KIFC3: variants seen among roughly 807,000 people sequenced by gnomAD.
The protein encoded by KIFC3 is kinesin family member C3, also known as kinesin-like protein KIFC3.
In KIFC3, 60 loss-of-function variants were observed where a neutral mutation model predicts 101.8. The observed-to-expected ratio is 0.59, with a 90% CI of 0.48 to 0.73. KIFC3 has a LOEUF of 0.73. Ranked by LOEUF, KIFC3 falls within the 30% of genes least tolerant of loss-of-function variation. The pLI is 0.00. For missense variants in KIFC3, 966 were observed against 1,137.1 expected, an observed-to-expected ratio of 0.85 and a Z score of 2.16; for synonymous variants, 476 against 482.7, an observed-to-expected ratio of 0.99 and a Z score of 0.18.
intron 3 of KIFC3, among the ~76,000 whole-genome samples, chr16:57,789,301 G>C (rs1274470856): frequency 6.6e-6 from 1 of 152,248 alleles, no homozygotes; most frequent in African/African-American, 2.4e-5. Context: ...CCTCTTCCAG[G>C]GGGAACACAG....
intron 3 of KIFC3, among the ~76,000 whole-genome samples, chr16:57,786,588 C>CA (rs1217186941): frequency 1.3e-5 from 2 of 152,124 alleles, no homozygotes; most frequent in African/African-American, 4.8e-5. Context: ...TGGGATGTGA[C>CA]AGAGTGTGGC....
intron 16 of KIFC3, 139 bp downstream of exon 16, chr16:57,760,587 G>T: frequency 1.9e-6 from 2 of 1,065,738 alleles, no homozygotes; most frequent in South Asian, 2.9e-5. Context: ...GGAGAGGAGG[G>T]ACTGGGAGTT....
In KIFC3 at chr16:57,816,651, A is replaced by G. The variant is rs1555628898; in HGVS notation, c.109-18369T>C. 3 of 456,694 alleles carry G rather than the reference A, an allele frequency of 6.6e-6. No homozygotes were observed. In the Admixed American group the frequency reaches 7.0e-5, roughly 11 times the overall value. 28.3% of individuals were successfully genotyped at this position (456,694 alleles called of 1,614,324 possible). A position where few individuals can be genotyped will look rare whatever the true frequency, so the allele number is the denominator to read the frequency against. On this transcript the variant is annotated intron_variant, in intron 1 of 2. Transcript: ENST00000563028. The stretch of plus-strand genomic sequence containing the variant: ...GAAACCAGCCCTGGGCAGCTGCCAC[A>G]CCAGGCAGCCTCCACCCCTCCCCAC...
intron 3 of KIFC3, among the ~76,000 whole-genome samples, chr16:57,792,747 G>A (rs1555620853): frequency 6.6e-6 from 1 of 151,692 alleles, no homozygotes; most frequent in East Asian, 1.9e-4. Flanking sequence ...AGCCAGGTGT[G>A]GTGGCACATG....
chr16:57,800,329 G>T (rs1555625089), intron 1 of KIFC3, among the ~76,000 whole-genome samples: 1 of 152,176 alleles, frequency 6.6e-6, no homozygotes, highest in African/African-American at 2.4e-5. Context: ...CAGGGCAGAG[G>T]CTGATCTAAA....
rs1476839208 is a variant in KIFC3 at position 57,763,302 on chromosome 16, G to A, written c.1617+841C>T. Among the ~76,000 whole-genome samples the A allele has an allele frequency of 3.3e-5, 5 of 152,132 alleles. No homozygotes were observed. The East Asian group carries it at 5.8e-4, about 18-fold the overall frequency. Reference sequence around the variant, plus strand: ...ACACTAAGCAATCCCAAAGCAGAGCGGGGAGCCCAGAGGATGCCGCACACA... The same window carrying A: ...ACACTAAGCAATCCCAAAGCAGAGCAGGGAGCCCAGAGGATGCCGCACACA... On this transcript the variant is annotated intron_variant, in intron 12 of 19. Coordinates refer to ENST00000445690, the MANE Select transcript of KIFC3 (RefSeq NM_001130100.2).
intron 1 of KIFC3, among the ~76,000 whole-genome samples, chr16:57,812,352 TAA>T (rs71152299): frequency 3.6e-5 from 5 of 137,580 alleles, no homozygotes; most frequent in Admixed American, 1.4e-4. Flanking sequence ...CCCCATCTCT[TAA>T]AAAAAAAAAA....
chr16:57,759,612 GA>G, intron 18 of KIFC3, 115 bp downstream of exon 18: 3 of 737,364 alleles, frequency 4.1e-6, no homozygotes, highest in South Asian at 1.9e-5. Context: ...AGGTTCTGGA[GA>G]AGGTGTAAGA....
chr16:57,779,730 C>T (rs2052505715), intron 3 of KIFC3: 1 of 152,166 alleles, frequency 6.6e-6, no homozygotes, highest in Non-Finnish European at 1.5e-5. Flanking sequence ...AGGAGAATCA[C>T]TTGAACCCAG....
intron 13 of KIFC3, 111 bp downstream of exon 13, chr16:57,762,029 G>A: frequency 7.3e-7 from 1 of 1,368,690 alleles, no homozygotes; most frequent in East Asian, 2.3e-5. Context: ...CTGCCCCTGA[G>A]GCCTGCTCCC....
At chr16:57,761,390 GT>G in intron 14 of KIFC3, 22 bp downstream of exon 14, 1 of 1,613,818 alleles carries the variant, frequency 6.2e-7, no homozygotes, top group Non-Finnish European at 8.5e-7. Flanking sequence ...TGTGGCTGTG[GT>G]CAGGGGCTCC....
intron 1 of KIFC3, chr16:57,815,752 G>A (rs952056508): frequency 1.6e-5 from 15 of 957,292 alleles, no homozygotes; most frequent in Middle Eastern, 3.1e-4. Flanking sequence ...CTTGTCCCAC[G>A]GCCAAGTTGC....
chr16:57,762,085 C>T (rs1190998888), intron 13 of KIFC3, 55 bp downstream of exon 13: 14 of 1,520,644 alleles, frequency 9.2e-6, no homozygotes, highest in Middle Eastern at 2.2e-4. Flanking sequence ...AGCACCACCC[C>T]GGAGGACCCC....
intron 3 of KIFC3, chr16:57,781,837 A>G: frequency 1.4e-6 from 1 of 732,458 alleles, no homozygotes; most frequent in Non-Finnish European, 1.7e-6. Context: ...TAGGCAACTT[A>G]CTTGAGGTCA....
intron 18 of KIFC3, 198 bp from the exon 19 acceptor site, chr16:57,759,351 C>G: frequency 1.5e-6 from 1 of 647,340 alleles, no homozygotes; most frequent in Non-Finnish European, 2.6e-6. Flanking sequence ...AAGCCCGGCC[C>G]TTTCTACCCC....
intron 1 of KIFC3, among the ~76,000 whole-genome samples, chr16:57,799,339 A>C (rs1367151908): frequency 6.6e-6 from 1 of 152,174 alleles, no homozygotes; most frequent in Non-Finnish European, 1.5e-5. Flanking sequence ...TGGGGTTTTA[A>C]GATTGAGGTG....
intron 1 of KIFC3, among the ~76,000 whole-genome samples, chr16:57,861,211 G>A (rs1567349981): frequency 6.6e-6 from 1 of 152,116 alleles, no homozygotes; most frequent in Non-Finnish European, 1.5e-5. Context: ...AATGCATTTT[G>A]TTCTTGAAAT....
intron 12 of KIFC3, among the ~76,000 whole-genome samples, chr16:57,762,763 C>A (rs1223601403): frequency 1.3e-5 from 2 of 152,142 alleles, no homozygotes; most frequent in Non-Finnish European, 2.9e-5. Context: ...GGAGTCCCCA[C>A]CCGGGACCTC....
chr16:57,795,178 C>A, intron 2 of KIFC3, 37 bp from the exon 3 acceptor site: 1 of 1,597,422 alleles, frequency 6.3e-7, no homozygotes, highest in Non-Finnish European at 8.5e-7. Context: ...GACACTCCGA[C>A]CACTGGCCAA....
Sources: gnomAD v4.1 joint callset for allele counts (sites outside exome capture counted in the v4.1 genomes callset) on GRCh38, gnomAD v4.1.1 for gene constraint, MANE v1.5 for transcripts, NCBI Gene and HGNC (gene_info 2026-07-23, HGNC 2026-07-21) for gene names.